Variants in DLG5 observed in about 807,000 individuals in gnomAD.
DLG5 encodes disks large homolog 5.
In DLG5, 48 loss-of-function variants were observed where a neutral mutation model predicts 189.8. The observed-to-expected ratio is 0.25, with a 90% CI of 0.20 to 0.32. The LOEUF (loss-of-function observed/expected upper bound fraction) is 0.32, where lower values mean the gene tolerates loss of function less well. Ranked by LOEUF, DLG5 falls within the 10% of genes least tolerant of loss-of-function variation. DLG5 has a pLI of 1.00. For missense variants in DLG5, 2,160 were observed against 2,544.7 expected (o/e 0.85, Z 3.25); for synonymous variants, 1,016 against 1,054.1 (o/e 0.96, Z 0.70).
chr10:77,910,124 CAG>C (rs2131832018), intron 1 of DLG5, among the ~76,000 whole-genome samples: 1 of 152,344 alleles, frequency 6.6e-6, no homozygotes, highest in African/African-American at 2.4e-5. Flanking sequence ...CCCAGTGTGA[CAG>C]ATGCTCAGAA....
At chr10:77,797,944 T>C (rs186679477) in intron 27 of DLG5, among the ~76,000 whole-genome samples, 2 of 152,250 alleles carry the variant, frequency 1.3e-5, no homozygotes, top group Non-Finnish European at 2.9e-5. Context: ...CCCAGCACTT[T>C]GGGAGGCTGA....
In DLG5 at chr10:77,893,319, C is replaced by T. The variant is rs1163146699; in HGVS notation, c.305-24122G>A. Among the ~76,000 whole-genome samples, 3 of 152,240 alleles carry T rather than the reference C, an allele frequency of 2.0e-5. No homozygotes were observed. The East Asian group carries it at 5.8e-4, about 29-fold the overall frequency. ...GACTGTCAGGGGACAAAGGTATTCA[C>T]TGGGGACCCCCTGCCCCCACCCAGT... On this transcript the variant is annotated intron_variant, in intron 1 of 31. Coordinates refer to ENST00000372391, the MANE Select transcript of DLG5 (RefSeq NM_004747.4).
intron 13 of DLG5, among the ~76,000 whole-genome samples, chr10:77,828,297 C>T (rs781596128): frequency 6.6e-6 from 1 of 151,918 alleles, no homozygotes; most frequent in Admixed American, 6.6e-5. Flanking sequence ...ACCAGCCTGG[C>T]CAACATGGTG....
intron 1 of DLG5, among the ~76,000 whole-genome samples, chr10:77,873,243 G>A (rs976475887): frequency 2.0e-5 from 3 of 152,138 alleles, no homozygotes; most frequent in Non-Finnish European, 2.9e-5. Context: ...GAACTACCTG[G>A]GCAACGTAAA....
intron 1 of DLG5, among the ~76,000 whole-genome samples, chr10:77,890,525 T>C (rs1028936000): frequency 7.2e-5 from 11 of 152,182 alleles, no homozygotes; most frequent in Non-Finnish European, 1.3e-4. Context: ...GGTCAATAAT[T>C]ACACTTTACG....
intron 1 of DLG5, among the ~76,000 whole-genome samples, chr10:77,922,597 C>T (rs1041794322): frequency 6.6e-6 from 1 of 152,156 alleles, no homozygotes; most frequent in African/African-American, 2.4e-5. Context: ...AAAACCACCC[C>T]AGACAAGGAA....
rs908854124 is a variant in DLG5 at position 77,877,526 on chromosome 10, C to G, written c.305-8329G>C. Among the ~76,000 whole-genome samples, 11 of 152,120 alleles carry G rather than the reference C, an allele frequency of 7.2e-5. No individual in the cohort carries two copies. The South Asian group carries it at 1.0e-3, about 14-fold the overall frequency. ...GAAAGCCACCCTCTTTGTTCTGCCT[C>G]CCTTCAGAGCTGCCGGGCTGCAGGT... On this transcript the variant is annotated intron_variant, in intron 1 of 31. Coordinates refer to ENST00000372391, the MANE Select transcript of DLG5 (RefSeq NM_004747.4).
chr10:77,864,147 G>C (rs1844581025), intron 2 of DLG5, among the ~76,000 whole-genome samples: 1 of 152,042 alleles, frequency 6.6e-6, no homozygotes, highest in Admixed American at 6.5e-5. Context: ...CAAATGAACT[G>C]GCAGCTGGGT....
At chr10:77,927,081 T>G (rs1377966914), upstream of DLG5, 3 of 195,398 alleles carry the variant, frequency 1.5e-5, no homozygotes, top group East Asian at 3.4e-4. Context: ...CGCTCCCCCG[T>G]GGCCACAGCC....
At chr10:77,805,102 T>C (rs1359168401) in intron 27 of DLG5, among the ~76,000 whole-genome samples, 2 of 152,168 alleles carry the variant, frequency 1.3e-5, no homozygotes, top group Non-Finnish European at 2.9e-5. Context: ...CCCAAGTAGC[T>C]GGGATTACAG....
intron 1 of DLG5, among the ~76,000 whole-genome samples, chr10:77,923,280 G>A (rs890095942): frequency 3.9e-5 from 6 of 152,336 alleles, no homozygotes; most frequent in African/African-American, 9.6e-5. Flanking sequence ...CTCAGGAGTG[G>A]AAGGAGGCAG....
chr10:77,914,800 T>G (rs1846315581), intron 1 of DLG5, among the ~76,000 whole-genome samples: 1 of 152,182 alleles, frequency 6.6e-6, no homozygotes, highest in South Asian at 2.1e-4. Context: ...ACCACCAGGA[T>G]GGCTCTCCAC....
At chr10:77,829,309 G>T (rs1313339741) in intron 12 of DLG5, 46 bp downstream of exon 12, 1 of 1,610,918 alleles carries the variant, frequency 6.2e-7, no homozygotes, top group Non-Finnish European at 8.5e-7. Flanking sequence ...CACAAAAAAG[G>T]GCCCCAGCCA....
intron 2 of DLG5, among the ~76,000 whole-genome samples, chr10:77,861,136 T>G (rs1342109243): frequency 3.3e-5 from 5 of 152,064 alleles, no homozygotes; most frequent in Non-Finnish European, 7.4e-5. Context: ...GGATGGAATC[T>G]TTAGAAAACT....
At chr10:77,934,595 A>G in the DLG5 span, among the ~76,000 whole-genome samples, 1 of 152,150 alleles carries the variant, frequency 6.6e-6, no homozygotes, top group East Asian at 1.9e-4. Context: ...GCCCACATGC[A>G]AGGAGCTAAG....
intron 20 of DLG5, among the ~76,000 whole-genome samples, chr10:77,814,562 CTTCT>C (rs1353696048): frequency 1.6e-4 from 20 of 127,446 alleles, no homozygotes; most frequent in African/African-American, 4.7e-4. Flanking sequence ...TGACTTTTTT[CTTCT>C]TTCTACTTTT....
At chr10:77,902,150 C>T (rs1451480674) in intron 1 of DLG5, among the ~76,000 whole-genome samples, 1 of 152,098 alleles carries the variant, frequency 6.6e-6, no homozygotes, top group Non-Finnish European at 1.5e-5. Context: ...GAGGAGATGC[C>T]GTGCCTATTT....
chr10:77,916,904 A>AATAT (rs55841913), intron 1 of DLG5, among the ~76,000 whole-genome samples: 4,628 of 129,030 alleles, frequency 0.036, 166 homozygotes, highest in East Asian at 0.1. Context: ...TAAAATATAG[A>AATAT]ATATATATAT....
Position 77,895,959 on chromosome 10 carries a change from T to C in DLG5, c.305-26762A>G, listed in dbSNP as rs1252697194. On this transcript the variant is annotated intron_variant, in intron 1 of 31. Transcript: ENST00000372391. Reference sequence around the variant, plus strand: ...AGAAACTTATTCTCTCCTTTCCCCTTTTGATGTGGGGTCACTGGCCTCCTT... The same window carrying C: ...AGAAACTTATTCTCTCCTTTCCCCTCTTGATGTGGGGTCACTGGCCTCCTT... Among the ~76,000 whole-genome samples, 5 of 152,138 alleles carry C rather than the reference T, an allele frequency of 3.3e-5. No homozygotes were observed. In the South Asian group the frequency reaches 8.3e-4, roughly 25 times the overall value.
Sources: gnomAD v4.1 joint callset for allele counts (sites outside exome capture counted in the v4.1 genomes callset) on GRCh38, gnomAD v4.1.1 for gene constraint, MANE v1.5 for transcripts, NCBI Gene and HGNC (gene_info 2026-07-23, HGNC 2026-07-21) for gene names.